The following CREM variants were observed in gnomAD, a reference collection of about 807,000 sequenced individuals.
The protein encoded by CREM is cAMP responsive element modulator, also known as cAMP-responsive element modulator.
Under a neutral mutation model 37.3 loss-of-function variants are expected in CREM, and 13 were observed. The observed-to-expected ratio is 0.35, with a 90% CI of 0.23 to 0.55. The LOEUF (loss-of-function observed/expected upper bound fraction) is 0.55, where lower values mean the gene tolerates loss of function less well. CREM is among the 20% of genes least tolerant of loss of function. CREM has a pLI of 0.88. For synonymous variants in CREM, 124 were observed against 120.2 expected (o/e 1.03, Z -0.21); for missense variants, 296 against 362.3 (o/e 0.82, Z 1.49).
chr10:35,191,555 A>C (rs1209276381), intron 6 of CREM, among the ~76,000 whole-genome samples: 1 of 151,678 alleles, frequency 6.6e-6, no homozygotes, highest in East Asian at 1.9e-4. Context: ...TTCTCCCTTC[A>C]TCTCACTGAA....
intron 3 of CREM, among the ~76,000 whole-genome samples, chr10:35,156,496 C>A (rs188676258): frequency 6.6e-6 from 1 of 152,210 alleles, no homozygotes; most frequent in African/African-American, 2.4e-5. Context: ...GTGATCCTCC[C>A]TCTTCAGTCT....
chr10:35,142,332 C>G (rs145536629), intron 2 of CREM, among the ~76,000 whole-genome samples: 7 of 152,162 alleles, frequency 4.6e-5, no homozygotes, highest in African/African-American at 1.4e-4. Flanking sequence ...ACAACAGATA[C>G]AGGTATTTTA....
chr10:35,187,072 AATAATATAT>A (rs1371772720), intron 5 of CREM, among the ~76,000 whole-genome samples: 8 of 68,996 alleles, frequency 1.2e-4, no homozygotes, highest in South Asian at 7.7e-4. Flanking sequence ...TAATTAATAT[AATAATATAT>A]ATAATATATA....
intron 6 of CREM, among the ~76,000 whole-genome samples, chr10:35,192,146 A>G (rs938685693): frequency 1.3e-5 from 2 of 152,136 alleles, no homozygotes; most frequent in Admixed American, 6.5e-5. Flanking sequence ...GAAGCTGGCT[A>G]TTGTGGAACA....
intron 3 of CREM, among the ~76,000 whole-genome samples, chr10:35,170,484 C>T (rs1403016625): frequency 6.6e-6 from 1 of 152,170 alleles, no homozygotes; most frequent in Non-Finnish European, 1.5e-5. Flanking sequence ...GGTACCAGCT[C>T]CTCCTTGTAC....
intron 6 of CREM, among the ~76,000 whole-genome samples, chr10:35,205,606 A>G (rs1360338120): frequency 6.6e-6 from 1 of 152,174 alleles, no homozygotes; most frequent in Non-Finnish European, 1.5e-5. Flanking sequence ...ATTCTGCTTA[A>G]TGGAAATTTT....
At chr10:35,210,991 T>A (rs571311492) in intron 7 of CREM, among the ~76,000 whole-genome samples, 1 of 152,230 alleles carries the variant, frequency 6.6e-6, no homozygotes, top group Non-Finnish European at 1.5e-5. Context: ...AAAACAGTTG[T>A]GGGCATTGTT....
intron 6 of CREM, among the ~76,000 whole-genome samples, chr10:35,206,229 C>CA (rs2095518046): frequency 6.7e-6 from 1 of 149,476 alleles, no homozygotes; most frequent in African/African-American, 2.5e-5. Context: ...GCCTGGGCGA[C>CA]AGAGCGAGAC....
At chr10:35,168,301 G>A (rs1478402767) in intron 3 of CREM, among the ~76,000 whole-genome samples, 1 of 152,220 alleles carries the variant, frequency 6.6e-6, no homozygotes, top group Non-Finnish European at 1.5e-5. Context: ...TCTAACTGGT[G>A]TGAGATGGTA....
intron 2 of CREM, among the ~76,000 whole-genome samples, chr10:35,140,450 T>C (rs1226078410): frequency 6.6e-6 from 1 of 152,162 alleles, no homozygotes; most frequent in African/African-American, 2.4e-5. Flanking sequence ...TAAAAGTCCC[T>C]TAATCTCTCT....
intron 1 of CREM, among the ~76,000 whole-genome samples, chr10:35,136,279 G>A (rs1320878561): frequency 6.6e-6 from 1 of 152,160 alleles, no homozygotes; most frequent in Non-Finnish European, 1.5e-5. Flanking sequence ...TATTGTTCAA[G>A]TGCTATTATT....
intron 5 of CREM, among the ~76,000 whole-genome samples, chr10:35,186,276 A>G (rs1238468753): frequency 6.6e-6 from 1 of 152,170 alleles, no homozygotes; most frequent in Non-Finnish European, 1.5e-5. Flanking sequence ...TTTAAATAAT[A>G]CTTGTCTATT....
chr10:35,210,809 T>A (rs955329811), intron 7 of CREM: 1 of 152,944 alleles, frequency 6.5e-6, no homozygotes, highest in Non-Finnish European at 1.5e-5. Context: ...AGTGTTGATA[T>A]TTAAGGTTTT....
Position 35,207,121 on chromosome 10 carries a change from A to G in CREM, c.755+70A>G, listed in dbSNP as rs1037729178. The G allele has an allele frequency of 6.6e-6, 10 of 1,511,656 alleles. No homozygotes were observed. The Admixed American group carries it at 9.7e-5, about 15-fold the overall frequency. 93.6% of individuals were successfully genotyped at this position (1,511,656 alleles called of 1,614,324 possible). ...AAAAATTACAGTTTTCACCGGGCGC[A>G]GTGGCTCACGCCTGTAATCCCAGCA... On this transcript the variant is annotated intron_variant, in intron 7 of 7. Transcript: ENST00000685392.
intron 2 of CREM, among the ~76,000 whole-genome samples, chr10:35,139,812 C>G (rs559110737): frequency 5.3e-4 from 80 of 152,302 alleles, no homozygotes; most frequent in Middle Eastern, 3.4e-3. Flanking sequence ...ATAATGGACT[C>G]TATAAATTCT....
At chr10:35,147,759 T>A (rs1348639353) in intron 2 of CREM, among the ~76,000 whole-genome samples, 1 of 152,210 alleles carries the variant, frequency 6.6e-6, no homozygotes, top group Admixed American at 6.5e-5. Context: ...AGGGTTAAAG[T>A]AATGATCAGG....
chr10:35,155,392 A>G (rs1391633891), intron 3 of CREM, among the ~76,000 whole-genome samples: 1 of 152,144 alleles, frequency 6.6e-6, no homozygotes, highest in Non-Finnish European at 1.5e-5. Context: ...TTTAATGGGT[A>G]TGGAGTTTCA....
In CREM at chr10:35,163,974, C is replaced by CAA. The variant is rs758523194; in HGVS notation, c.169-14903_169-14902dup. Among the ~76,000 whole-genome samples, 1,022 of 110,756 alleles carry CAA rather than the reference C, an allele frequency of 9.2e-3. 16 individuals carry two copies. The highest frequency in any genetic ancestry group is 0.032 in the African/African-American group (954 of 30,214). The allele number at this position is 110,756 out of a possible 152,430, so 72.7% of individuals were successfully genotyped here. On this transcript the variant is annotated intron_variant, in intron 3 of 7. Coordinates refer to ENST00000685392, the MANE Select transcript of CREM (RefSeq NM_183011.2). Reference sequence around the variant, plus strand: ...CCTGGGTGACAGCAAGAACCTATCTCAAAAAAAAAAAAACAAAAAAAGAGC... The same window carrying CAA: ...CCTGGGTGACAGCAAGAACCTATCTCAAAAAAAAAAAAAAACAAAAAAAGAGC...
At position 35,179,169 on chromosome 10, in the gene CREM, G is replaced by A; in HGVS notation, c.302G>A (p.Gly101Asp). 6.2e-7 allele frequency: 1 copy of A among 1,613,794 alleles called. No homozygotes were observed. Among genetic ancestry groups the A allele is most frequent in the Non-Finnish European group, 8.5e-7 (1 of 1,179,870 alleles). Residue 101 changes from glycine to aspartate, a missense_variant, in exon 5 of 8, where the codon GGT becomes GAT. Gly to Asp is a moderately conservative substitution (Grantham distance 94). This residue lies in a region of CREM where 257 missense variants were observed against 280.2 expected (regional missense o/e 0.92). Transcript: ENST00000685392. The stretch of plus-strand genomic sequence containing the variant: ...AATGAACTGTCCTCTGATGTGCCTG[G>A]TGTTCCCAAGATTGAAGAAGAGAGA... The part of the protein sequence containing the change: ...ILNELSSDVP[G>D]VPKIEEERSE...
Sources: allele counts gnomAD v4.1 joint callset (sites outside exome capture counted in the v4.1 genomes callset), GRCh38; gene constraint gnomAD v4.1.1; regional missense constraint gnomAD v4.1.1; transcripts MANE v1.5; gene names NCBI Gene and HGNC (gene_info 2026-07-23, HGNC 2026-07-21).